The following UTP20 variants were observed in gnomAD, a reference collection of about 807,000 sequenced individuals.
UTP20 encodes the protein UTP20 small subunit processome component, also known as small subunit processome component 20 homolog.
A neutral mutation model predicts 329.5 loss-of-function variants in UTP20; 164 were observed. The ratio of observed to expected loss-of-function variants is 0.50; its 90% CI spans 0.44 to 0.57. UTP20 has a LOEUF of 0.57. Among genes scored for constraint, UTP20 ranks in the 20% least tolerant of loss-of-function variants. UTP20 has a pLI of 0.00. For missense variants in UTP20, 3,055 were observed against 3,284.2 expected (o/e 0.93, Z 1.71); for synonymous variants, 1,151 against 1,159.3 (o/e 0.99, Z 0.14).
rs1438183476 is a variant in UTP20 at position 101,356,625 on chromosome 12, A to G, written c.5466A>G (p.Pro1822=). ...ATGATGAGGAAGTCGTTCGAGTTCCATTAGCTTTTGCCATGGTTAAACTAA... is the reference window on the plus strand; with the variant it reads ...ATGATGAGGAAGTCGTTCGAGTTCCGTTAGCTTTTGCCATGGTTAAACTAA... ...VVNDEEVVRV[P]LAFAMVKLMQ... The change falls in exon 42 of 62, where the codon CCA becomes CCG. Residue 1822 remains proline (P), a synonymous_variant. Coordinates refer to ENST00000261637, the MANE Select transcript of UTP20 (RefSeq NM_014503.3). 3.7e-6 allele frequency: 6 copies of G among 1,613,988 alleles called. No individual in the cohort carries two copies. Among genetic ancestry groups the G allele is most frequent in the South Asian group, 1.1e-5 (1 of 91,074 alleles).
At chr12:101,356,804 C>A in intron 42 of UTP20, 111 bp downstream of exon 42, 1 of 1,483,890 alleles carries the variant, frequency 6.7e-7, no homozygotes, top group Non-Finnish European at 9.0e-7. Context: ...TCATAACTTG[C>A]TGTGGTTTCG....
chr12:101,324,805 G>A (rs2137263256), intron 25 of UTP20, among the ~76,000 whole-genome samples: 1 of 152,186 alleles, frequency 6.6e-6, no homozygotes, highest in South Asian at 2.1e-4. Flanking sequence ...AGGAGAAGTT[G>A]CATCAGTATT....
At chr12:101,381,063 GTTA>G in intron 57 of UTP20, 74 bp from the exon 58 acceptor site, 1 of 1,241,004 alleles carries the variant, frequency 8.1e-7, no homozygotes, top group Non-Finnish European at 1.2e-6. Context: ...TTGTATTACA[GTTA>G]TTATGTTTAG....
chr12:101,383,724 T>C, intron 60 of UTP20, 55 bp downstream of exon 60: 1 of 1,388,772 alleles, frequency 7.2e-7, no homozygotes, highest in South Asian at 2.0e-5. Flanking sequence ...TTCTAACTTC[T>C]CTCCTGAATG....
Position 101,381,200 on chromosome 12 carries a change from C to G in UTP20, c.7645C>G (p.Leu2549Val). The change falls in exon 58 of 62, where the codon CTA (leucine) becomes GTA (valine). Residue 2549 changes from leucine (L) to valine (V), a missense_variant. Leu to Val is a conservative substitution (Grantham distance 32, BLOSUM62 1). This residue lies in a region of UTP20 where 337 missense variants were observed against 345.5 expected (regional missense o/e 0.98). Coordinates refer to ENST00000261637, the MANE Select transcript of UTP20 (RefSeq NM_014503.3). Reference protein sequence around the residue: ...QLHSKFLDQSLGEQVVKNLLF... With the variant: ...QLHSKFLDQSVGEQVVKNLLF... ...GCATTCCAAATTCTTGGATCAGTCT[C>G]TAGGAGAACAGGTAAGAATTGTAGT... is the stretch of plus-strand genomic sequence containing the variant. 1.2e-6 allele frequency: 2 copies of G among 1,613,432 alleles called. No homozygotes were observed. Among genetic ancestry groups the G allele is most frequent in the Non-Finnish European group, 1.7e-6 (2 of 1,179,360 alleles).
At chr12:101,343,134 T>G (rs778143912) in intron 35 of UTP20, 41 bp downstream of exon 35, 2 of 1,463,182 alleles carry the variant, frequency 1.4e-6, no homozygotes, top group Non-Finnish European at 1.9e-6. Context: ...TTTTTTATTG[T>G]TTTGGTAATA....
Position 101,285,637 on chromosome 12 carries a change from G to C in UTP20, c.193+1G>C. 6.2e-7 allele frequency: 1 copy of C among 1,613,682 alleles called. No individual in the cohort carries two copies. The highest frequency in any genetic ancestry group is 8.5e-7 in the Non-Finnish European group (1 of 1,179,806). On this transcript the variant is annotated splice_donor_variant, in intron 3 of 61. Coordinates refer to ENST00000261637, the MANE Select transcript of UTP20 (RefSeq NM_014503.3). LOFTEE classifies it high-confidence loss of function. ...GAATTAAACCTCACAGAACACTTCGGTATTTTCTATTTCGTTTCTATTTTA... is the reference window on the plus strand; with the variant it reads ...GAATTAAACCTCACAGAACACTTCGCTATTTTCTATTTCGTTTCTATTTTA...
intron 38 of UTP20, 30 bp from the exon 39 acceptor site, chr12:101,352,025 C>T: frequency 6.2e-7 from 1 of 1,609,802 alleles, no homozygotes. Context: ...AATACTTGTT[C>T]TGCATTGATG....
chr12:101,293,356 G>T, intron 11 of UTP20, 111 bp downstream of exon 11: 1 of 898,190 alleles, frequency 1.1e-6, no homozygotes, highest in Non-Finnish European at 1.7e-6. Context: ...AACAGGATAA[G>T]TGCTTGATGT....
At chr12:101,346,862 T>A (rs1869342616) in intron 38 of UTP20, among the ~76,000 whole-genome samples, 1 of 152,230 alleles carries the variant, frequency 6.6e-6, no homozygotes, top group Non-Finnish European at 1.5e-5. Context: ...TTGCATACTT[T>A]TATTTTTGTG....
chr12:101,344,713 T>A lies in UTP20; in HGVS notation c.4568T>A (p.Leu1523Gln). The change falls in exon 36 of 62, where the codon CTG becomes CAG. Residue 1523 changes from leucine to glutamine, a missense_variant. Coordinates refer to ENST00000261637, the MANE Select transcript of UTP20 (RefSeq NM_014503.3). ...DYREIIHRSLLEKLRKGLKSQ... is the reference protein window; with the variant it reads ...DYREIIHRSLQEKLRKGLKSQ... ...AGAGAAATCATCCACCGTTCACTCC[T>A]GGAGAAATTGAGAAAAGGTCTGAAG... 1.2e-6 allele frequency: 2 copies of A among 1,613,902 alleles called. No individual in the cohort carries two copies. The highest frequency in any genetic ancestry group is 1.7e-6 in the Non-Finnish European group (2 of 1,179,830).
intron 6 of UTP20, 124 bp from the exon 7 acceptor site, chr12:101,290,013 T>G: frequency 1.3e-6 from 1 of 744,798 alleles, no homozygotes; most frequent in Non-Finnish European, 2.0e-6. Flanking sequence ...CAAATGTCTG[T>G]TCTTTTCACA....
At chr12:101,287,168 C>T (rs1016075082) in intron 5 of UTP20, among the ~76,000 whole-genome samples, 6 of 152,168 alleles carry the variant, frequency 3.9e-5, no homozygotes, top group Admixed American at 6.5e-5. Flanking sequence ...CAGCCCCTTA[C>T]CCCACAGTAA....
chr12:101,308,411 C>A, intron 18 of UTP20, 68 bp downstream of exon 18: 1 of 1,015,156 alleles, frequency 9.9e-7, no homozygotes, highest in Admixed American at 3.3e-5. Flanking sequence ...GGAAGCACAT[C>A]AAGTAGTCAC....
intron 38 of UTP20, among the ~76,000 whole-genome samples, chr12:101,349,268 G>A (rs1369923202): frequency 1.3e-5 from 2 of 151,728 alleles, no homozygotes; most frequent in East Asian, 3.9e-4. Context: ...TTTTAAAAAT[G>A]CATCTCTTTA....
chr12:101,309,298 A>G (rs758636248), intron 18 of UTP20, among the ~76,000 whole-genome samples: 5 of 152,256 alleles, frequency 3.3e-5, no homozygotes, highest in Non-Finnish European at 5.9e-5. Flanking sequence ...TGGGAATGTT[A>G]GTAATAATGA....
At chr12:101,382,035 A>AAAAG (rs1326601585) in intron 58 of UTP20, among the ~76,000 whole-genome samples, 4 of 151,026 alleles carry the variant, frequency 2.6e-5, no homozygotes, top group African/African-American at 9.7e-5. Context: ...AAAAAAAAAA[A>AAAAG]AGAGAGAGAA....
intron 43 of UTP20, among the ~76,000 whole-genome samples, chr12:101,360,138 A>G (rs1317920989): frequency 6.6e-6 from 1 of 152,236 alleles, no homozygotes; most frequent in African/African-American, 2.4e-5. Context: ...ATTAGAGTTG[A>G]GAGAACAACT....
chr12:101,338,371 C>T (rs1268951185), intron 30 of UTP20, 94 bp downstream of exon 30: 3 of 1,264,404 alleles, frequency 2.4e-6, no homozygotes, highest in Non-Finnish European at 3.4e-6. Flanking sequence ...TTGACTCACT[C>T]GAGAGCATAT....
Sources: gnomAD v4.1 joint callset for allele counts (sites outside exome capture counted in the v4.1 genomes callset) on GRCh38, gnomAD v4.1.1 for gene constraint, gnomAD v4.1.1 regional missense constraint, MANE v1.5 for transcripts, NCBI Gene and HGNC (gene_info 2026-07-23, HGNC 2026-07-21) for gene names.